ZFP64: variants seen among roughly 807,000 people sequenced by gnomAD.
ZFP64 encodes the protein ZFP64 zinc finger protein.
A neutral mutation model predicts 51.6 loss-of-function variants in ZFP64; 14 were observed. The observed-to-expected ratio is 0.27, with a 90% CI of 0.18 to 0.42. The LOEUF (loss-of-function observed/expected upper bound fraction) is 0.42. ZFP64 is among the 10% of genes least tolerant of loss of function. The pLI, the probability that ZFP64 is intolerant of heterozygous loss-of-function variation, is 1.00. For synonymous variants in ZFP64, 375 were observed against 361.4 expected (o/e 1.04, Z -0.43); for missense variants, 754 against 906.8 (o/e 0.83, Z 2.16).
Position 52,191,581 on chromosome 20 carries a change from A to G in ZFP64, c.46+10T>C. On this transcript the variant is annotated intron_variant, in intron 1 of 5. Transcript: ENST00000216923. This position sits in a 1 kb window ranked among gnomAD's most constrained non-coding sequence, Gnocchi z 4.3. ...CCCGGAGCGCGCACTGCTCCCGGAA[A>G]AGCACTTACTTTGCACCGAGCCCGC... 2 of 1,576,528 alleles carry G rather than the reference A, an allele frequency of 1.3e-6. No individual in the cohort carries two copies. The highest frequency in any genetic ancestry group is 1.8e-5 in the Admixed American group (1 of 56,478).
intron 1 of ZFP64, among the ~76,000 whole-genome samples, chr20:52,190,804 C>A (rs555096188): frequency 6.6e-6 from 1 of 152,160 alleles, no homozygotes; most frequent in South Asian, 2.1e-4. Context: ...TTTCTGCAAA[C>A]CCCTGGTAGA....
chr20:52,150,965 A>AG (rs1271399906), downstream of ZFP64, among the ~76,000 whole-genome samples: 7 of 152,264 alleles, frequency 4.6e-5, no homozygotes, highest in Admixed American at 3.3e-4. Context: ...GATTCTGCAC[A>AG]GATATTAACA....
intron 2 of ZFP64, among the ~76,000 whole-genome samples, chr20:52,181,354 C>G (rs1983600235): frequency 6.6e-6 from 1 of 152,192 alleles, no homozygotes; most frequent in South Asian, 2.1e-4. Flanking sequence ...GACCTGACTC[C>G]AAAGCCCGGT....
intron 5 of ZFP64, among the ~76,000 whole-genome samples, chr20:52,158,983 T>G (rs1353835760): frequency 6.6e-6 from 1 of 152,116 alleles, no homozygotes; most frequent in African/African-American, 2.4e-5. Flanking sequence ...AGGAGGAAGA[T>G]GAGAGATGCA....
intron 6 of ZFP64, chr20:52,098,414 C>G: frequency 6.2e-7 from 1 of 1,612,440 alleles, no homozygotes; most frequent in Non-Finnish European, 8.5e-7. Flanking sequence ...AGAAGCGGCT[C>G]AGCACGCAGG....
At chr20:52,164,923 G>A (rs754677350) in intron 3 of ZFP64, 166 bp from the exon 4 acceptor site, 102 of 704,810 alleles carry the variant, frequency 1.4e-4, no homozygotes, top group Non-Finnish European at 8.2e-5. Flanking sequence ...AAAACACACC[G>A]TCATTTTGTG....
At chr20:52,118,020 A>G (rs1281365019) in intron 5 of ZFP64, among the ~76,000 whole-genome samples, 1 of 151,322 alleles carries the variant, frequency 6.6e-6, no homozygotes, top group East Asian at 1.9e-4. Flanking sequence ...CTGGTCTTGA[A>G]CTCCAGGGCT....
intron 2 of ZFP64, chr20:52,175,875 C>CCCA: frequency 2.1e-5 from 20 of 965,464 alleles, no homozygotes; most frequent in South Asian, 4.8e-5. Flanking sequence ...CCCCCGCCCC[C>CCCA]AAAATAATTC....
At chr20:52,119,285 G>A (rs1336271421) in intron 5 of ZFP64, among the ~76,000 whole-genome samples, 1 of 151,850 alleles carries the variant, frequency 6.6e-6, no homozygotes, top group Non-Finnish European at 1.5e-5. Context: ...GGGAGGCTGA[G>A]GTGGGTGGAT....
At chr20:52,174,306 CA>C (rs1982996729) in intron 2 of ZFP64, among the ~76,000 whole-genome samples, 1 of 151,396 alleles carries the variant, frequency 6.6e-6, no homozygotes, top group African/African-American at 2.4e-5. Flanking sequence ...GCCAACATGG[CA>C]AAACTTTGTC....
At chr20:52,140,650 C>T (rs562135777) in intron 5 of ZFP64, among the ~76,000 whole-genome samples, 9 of 152,280 alleles carry the variant, frequency 5.9e-5, no homozygotes, top group African/African-American at 2.2e-4. Context: ...GAAGCCATCT[C>T]CACATCGTAA....
chr20:52,176,588 C>A lies in ZFP64; in HGVS notation c.286+10244G>T, dbSNP rs1312231630. 2.0e-5 allele frequency among the ~76,000 whole-genome samples: 3 copies of A among 150,708 alleles called. No individual in the cohort carries two copies. In the East Asian group the frequency reaches 5.8e-4, roughly 29 times the overall value. ...GCAGTGGCGCAATCTCGGCTCACTGCAAGCTCCGCTTCCCGGGTTCACGCC... is the reference window on the plus strand; with the variant it reads ...GCAGTGGCGCAATCTCGGCTCACTGAAAGCTCCGCTTCCCGGGTTCACGCC... On this transcript the variant is annotated intron_variant, in intron 2 of 5. Coordinates refer to ENST00000216923, the MANE Select transcript of ZFP64 (RefSeq NM_018197.3).
chr20:52,168,639 T>G (rs6021775), intron 2 of ZFP64, among the ~76,000 whole-genome samples: 32,274 of 152,116 alleles, frequency 0.21, 3,782 homozygotes, highest in Admixed American at 0.29. Context: ...AACCCAGCTC[T>G]GTCTATATGA....
chr20:52,172,327 T>G (rs1600800116), intron 2 of ZFP64, among the ~76,000 whole-genome samples: 1 of 149,884 alleles, frequency 6.7e-6, no homozygotes, highest in Non-Finnish European at 1.5e-5. Context: ...TCAGTTCTTT[T>G]GTCGGTAAAA....
intron 5 of ZFP64, among the ~76,000 whole-genome samples, chr20:52,141,042 G>A (rs751732931): frequency 2.0e-5 from 3 of 152,272 alleles, no homozygotes; most frequent in Non-Finnish European, 4.4e-5. Flanking sequence ...CTCTGTTTAC[G>A]GCATGGTTTA....
At chr20:52,150,062 G>A (rs1027305476), downstream of ZFP64, among the ~76,000 whole-genome samples, 1 of 151,844 alleles carries the variant, frequency 6.6e-6, no homozygotes, top group Non-Finnish European at 1.5e-5. Context: ...AAAATTAGCC[G>A]GACTTGGTTG....
At chr20:52,113,408 C>A (rs1600719468) in intron 5 of ZFP64, among the ~76,000 whole-genome samples, 2 of 150,734 alleles carry the variant, frequency 1.3e-5, no homozygotes, top group Non-Finnish European at 3.0e-5. Flanking sequence ...ACCCTTGTAC[C>A]CTTGCCAGGA....
chr20:52,094,714 C>T (rs894146937), intron 7 of ZFP64, among the ~76,000 whole-genome samples: 3 of 151,902 alleles, frequency 2.0e-5, no homozygotes, highest in African/African-American at 7.3e-5. Context: ...GCCTGGGTGA[C>T]AGAGCAAGAG....
chr20:52,170,227 G>A (rs1002665507), intron 2 of ZFP64, among the ~76,000 whole-genome samples: 7 of 151,992 alleles, frequency 4.6e-5, no homozygotes, highest in Admixed American at 1.3e-4. Flanking sequence ...TGAGGTGGGC[G>A]GATCATTTGA....
Sources: allele counts gnomAD v4.1 joint callset (sites outside exome capture counted in the v4.1 genomes callset), GRCh38; gene constraint gnomAD v4.1.1; non-coding constraint Gnocchi (gnomAD v3.1); transcripts MANE v1.5; gene names NCBI Gene and HGNC (gene_info 2026-07-23, HGNC 2026-07-21).